H2AC4: variants seen among roughly 807,000 people sequenced by gnomAD.
H2AC4 encodes histone H2A type 1-B/E.
H2AC4 carries 8 observed loss-of-function variants against 6.1 expected under a neutral mutation model. The observed-to-expected ratio is 1.31, with a 90% CI of 0.77 to 2.36. The LOEUF is 2.36. Among genes scored for constraint, H2AC4 ranks in the 30% most tolerant of loss-of-function variants. The probability of loss-of-function intolerance (pLI) is 0.00; values close to 1 mark genes in which losing one functional copy is unlikely to be tolerated. For synonymous variants in H2AC4, 129 were observed against 78.4 expected, an observed-to-expected ratio of 1.64 and a Z score of -3.41; for missense variants, 260 against 180.4, an observed-to-expected ratio of 1.44 and a Z score of -2.53.
chr6:26,033,531 G>T lies in H2AC4; in HGVS notation c.38C>A (p.Ala13Asp), dbSNP rs1160128817. The change falls in exon 1 of 1, where the codon GCC becomes GAC. Residue 13 changes from alanine to aspartate, a missense_variant. By Grantham distance (126) the Ala-to-Asp change is moderately radical. Transcript: ENST00000615868. ...ACGAGAAGACCGAGTCTTAGCCTTG[G>T]CGCGAGCTTTACCGCCTTGTTTGCC... ...GRGKQGGKAR[A>D]KAKTRSSRAG... The T allele has an allele frequency of 6.2e-7, 1 of 1,613,956 alleles. No homozygotes were observed. The highest frequency in any genetic ancestry group is 8.5e-7 in the Non-Finnish European group (1 of 1,179,978).
chr6:26,033,104 G>GA lies in H2AC4; in HGVS notation c.*71dup. 3 of 1,566,506 alleles carry GA rather than the reference G, an allele frequency of 1.9e-6. No homozygotes were observed. Among genetic ancestry groups the GA allele is most frequent in the Non-Finnish European group, 1.7e-6 (2 of 1,152,028 alleles). On this transcript the variant is annotated 3_prime_UTR_variant, in exon 1 of 1. Transcript: ENST00000615868. ...TTTAATGGAAGTCGTAGGTGGCTCT[G>GA]AAAAGAGCCTTTGCTGTTAGGCTGA...
Position 26,033,093 on chromosome 6 carries a change from T to C in H2AC4, c.*83A>G, listed in dbSNP as rs1761494935. 3.3e-6 allele frequency: 5 copies of C among 1,514,358 alleles called. No homozygotes were observed. The East Asian group carries it at 9.0e-5, about 27-fold the overall frequency. The allele number at this position is 1,514,358 out of a possible 1,614,324, so 93.8% of individuals were successfully genotyped here. ...ACAACAGCTCATTTAATGGAAGTCG[T>C]AGGTGGCTCTGAAAAGAGCCTTTGC... On this transcript the variant is annotated 3_prime_UTR_variant, in exon 1 of 1. Transcript: ENST00000615868.
Position 26,033,157 on chromosome 6 carries a change from T to C in H2AC4, c.*19A>G, listed in dbSNP as rs150171580. ...TTGTCTGCTGACAGAAAAACAGCAG[T>C]GCATGAAGCGTTAACTCTTCACTTT... On this transcript the variant is annotated 3_prime_UTR_variant, in exon 1 of 1. Transcript: ENST00000615868. The C allele has an allele frequency of 1.2e-5, 19 of 1,612,860 alleles. No homozygotes were observed. Among genetic ancestry groups the C allele is most frequent in the South Asian group, 1.1e-4 (10 of 90,908 alleles).
Position 26,033,318 on chromosome 6 carries a change from A to C in H2AC4, c.251T>G (p.Leu84Arg). 6.2e-7 allele frequency: 1 copy of C among 1,614,142 alleles called. No homozygotes were observed. The highest frequency in any genetic ancestry group is 8.5e-7 in the Non-Finnish European group (1 of 1,180,030). The change falls in exon 1 of 1, where the codon CTG becomes CGG. Residue 84 changes from leucine (L) to arginine (R), a missense_variant. Coordinates refer to ENST00000615868, the MANE Select transcript of H2AC4 (RefSeq NM_003513.3). ...CTCGTCATTGCGGATGGCCAATTGC[A>C]GGTGGCGCGGGATGATGCGGGTCTT... is the stretch of plus-strand genomic sequence containing the variant. ...NKKTRIIPRH[L>R]QLAIRNDEEL...
At position 26,033,101 on chromosome 6, in the gene H2AC4, T is replaced by C; in HGVS notation, c.*75A>G. 1 of 1,558,356 alleles carries C rather than the reference T, an allele frequency of 6.4e-7. No individual in the cohort carries two copies. Reference sequence around the variant, plus strand: ...TCATTTAATGGAAGTCGTAGGTGGCTCTGAAAAGAGCCTTTGCTGTTAGGC... The same window carrying C: ...TCATTTAATGGAAGTCGTAGGTGGCCCTGAAAAGAGCCTTTGCTGTTAGGC... On this transcript the variant is annotated 3_prime_UTR_variant, in exon 1 of 1. Coordinates refer to ENST00000615868, the MANE Select transcript of H2AC4 (RefSeq NM_003513.3).
chr6:26,033,114 T>C lies in H2AC4; in HGVS notation c.*62A>G. The C allele has an allele frequency of 6.3e-7, 1 of 1,590,464 alleles. No homozygotes were observed. Among genetic ancestry groups the C allele is most frequent in the Non-Finnish European group, 8.5e-7 (1 of 1,169,816 alleles). ...GTCGTAGGTGGCTCTGAAAAGAGCC[T>C]TTGCTGTTAGGCTGATTTTGTCTGC... On this transcript the variant is annotated 3_prime_UTR_variant, in exon 1 of 1. Transcript: ENST00000615868.
Position 26,033,321 on chromosome 6 carries a change from T to A in H2AC4, c.248A>T (p.His83Leu). The A allele has an allele frequency of 6.2e-7, 1 of 1,614,038 alleles. No homozygotes were observed. The highest frequency in any genetic ancestry group is 8.5e-7 in the Non-Finnish European group (1 of 1,180,022). Residue 83 changes from histidine to leucine, a missense_variant, in exon 1 of 1, where the codon CAC (histidine) becomes CTC (leucine). By Grantham distance (99) the His-to-Leu change is moderately conservative. Transcript: ENST00000615868. ...GTCATTGCGGATGGCCAATTGCAGG[T>A]GGCGCGGGATGATGCGGGTCTTCTT... ...DNKKTRIIPRHLQLAIRNDEE... is the reference protein window; with the variant it reads ...DNKKTRIIPRLLQLAIRNDEE...
chr6:26,033,481 G>A lies in H2AC4; in HGVS notation c.88C>T (p.Arg30Ter), dbSNP rs764354439. The A allele has an allele frequency of 1.2e-5, 20 of 1,614,052 alleles. No homozygotes were observed. The highest frequency in any genetic ancestry group is 2.2e-5 in the South Asian group (2 of 91,092). Reference sequence around the variant, plus strand: ...CCTTTGCGGAGCAGGCGGTGCACTCGGCCCACAGGAAACTGCAAACCTGCA... The same window carrying A: ...CCTTTGCGGAGCAGGCGGTGCACTCAGCCCACAGGAAACTGCAAACCTGCA... ...SRAGLQFPVG[R>*]VHRLLRKGNY... is the part of the protein sequence containing the mutation. Residue 30 changes from arginine to a stop codon, truncating the protein, a stop_gained, in exon 1 of 1, where the codon CGA becomes TGA. Transcript: ENST00000615868. LOFTEE classifies it high-confidence loss of function.
chr6:26,033,472 G>A lies in H2AC4; in HGVS notation c.97C>T (p.Arg33Cys), dbSNP rs770419197. 1.9e-5 allele frequency: 31 copies of A among 1,614,054 alleles called. No individual in the cohort carries two copies. Among genetic ancestry groups the A allele is most frequent in the Non-Finnish European group, 2.6e-5 (31 of 1,180,038 alleles). The change falls in exon 1 of 1, where the codon CGC (arginine) becomes TGC (cysteine). Residue 33 changes from arginine to cysteine, a missense_variant. By Grantham distance (180) the Arg-to-Cys change is radical. Coordinates refer to ENST00000615868, the MANE Select transcript of H2AC4 (RefSeq NM_003513.3). ...GAGTAGTTGCCTTTGCGGAGCAGGC[G>A]GTGCACTCGGCCCACAGGAAACTGC... ...GLQFPVGRVH[R>C]LLRKGNYSER...
chr6:26,033,300 T>C lies in H2AC4; in HGVS notation c.269A>G (p.Asn90Ser), dbSNP rs767463907. ...IPRHLQLAIR[N>S]DEELNKLLGR... is the part of the protein sequence containing the mutation. ...CAAGAGTTTATTAAGCTCCTCGTCA[T>C]TGCGGATGGCCAATTGCAGGTGGCG... Residue 90 changes from asparagine (N) to serine (S), a missense_variant, in exon 1 of 1, where the codon AAT becomes AGT. Asn to Ser is a conservative substitution (Grantham distance 46, BLOSUM62 1). Transcript: ENST00000615868. 6.2e-7 allele frequency: 1 copy of C among 1,614,176 alleles called. No homozygotes were observed. The highest frequency in any genetic ancestry group is 8.5e-7 in the Non-Finnish European group (1 of 1,180,024).
rs752086646 is a variant in H2AC4 at position 26,033,191 on chromosome 6, C to T, written c.378G>A (p.Lys126=). 9.9e-6 allele frequency: 16 copies of T among 1,614,092 alleles called. No homozygotes were observed. Among genetic ancestry groups the T allele is most frequent in the Non-Finnish European group, 1.2e-5 (14 of 1,180,048 alleles). Residue 126 remains lysine (K), a synonymous_variant, in exon 1 of 1, where the codon AAG becomes AAA. Coordinates refer to ENST00000615868, the MANE Select transcript of H2AC4 (RefSeq NM_003513.3). The part of the protein sequence containing the change: ...LLPKKTESHH[K]AKGK ...CGTTAACTCTTCACTTTCCCTTGGC[C>T]TTATGATGGCTCTCAGTTTTCTTAG...
rs1561919844 is a variant in H2AC4, at chr6:26,033,290, C to T, written c.279G>A (p.Glu93=). The T allele has an allele frequency of 1.2e-6, 2 of 1,614,206 alleles. No homozygotes were observed. The highest frequency in any genetic ancestry group is 2.2e-5 in the East Asian group (1 of 44,868). ...HLQLAIRNDE[E]LNKLLGRVTI... is the part of the protein sequence containing the mutation. Reference sequence around the variant, plus strand: ...TCACACGCCCCAAGAGTTTATTAAGCTCCTCGTCATTGCGGATGGCCAATT... The same window carrying T: ...TCACACGCCCCAAGAGTTTATTAAGTTCCTCGTCATTGCGGATGGCCAATT... The change falls in exon 1 of 1, where the codon GAG becomes GAA. Residue 93 remains glutamate (E), a synonymous_variant. Transcript: ENST00000615868.
In H2AC4 at chr6:26,033,398, C is replaced by G; in HGVS notation, c.171G>C (p.Glu57Asp). 6.2e-7 allele frequency: 1 copy of G among 1,614,034 alleles called. No individual in the cohort carries two copies. The highest frequency in any genetic ancestry group is 1.3e-5 in the African/African-American group (1 of 75,040). ...GCTCCAGGATCTCGGCGGTCAGGTA[C>G]TCAAGCACCGCCGCGAGATACACCG... Reference protein sequence around the residue: ...GAPVYLAAVLEYLTAEILELA... With the variant: ...GAPVYLAAVLDYLTAEILELA... The change falls in exon 1 of 1, where the codon GAG (glutamate) becomes GAC (aspartate). Residue 57 changes from glutamate to aspartate, a missense_variant. Transcript: ENST00000615868.
Position 26,033,538 on chromosome 6 carries a change from C to CT in H2AC4, c.30dup (p.Ala11SerfsTer6). ...GACCGAGTCTTAGCCTTGGCGCGAG[C>CT]TTTACCGCCTTGTTTGCCGCGACCA... On this transcript the variant is annotated frameshift_variant, in exon 1 of 1. Transcript: ENST00000615868. LOFTEE classifies it high-confidence loss of function. 1 of 1,613,204 alleles carries CT rather than the reference C, an allele frequency of 6.2e-7. No individual in the cohort carries two copies. The highest frequency in any genetic ancestry group is 1.1e-5 in the South Asian group (1 of 91,022).
chr6:26,033,280 G>A lies in H2AC4; in HGVS notation c.289C>T (p.Leu97Phe). 1 of 1,614,156 alleles carries A rather than the reference G, an allele frequency of 6.2e-7. No homozygotes were observed. The highest frequency in any genetic ancestry group is 8.5e-7 in the Non-Finnish European group (1 of 1,180,020). The change falls in exon 1 of 1, where the codon CTC becomes TTC. Residue 97 changes from leucine (L) to phenylalanine (F), a missense_variant. Transcript: ENST00000615868. ...AIRNDEELNK[L>F]LGRVTIAQGG... is the part of the protein sequence containing the mutation. The stretch of plus-strand genomic sequence containing the variant: ...TGCGCGATGGTCACACGCCCCAAGA[G>A]TTTATTAAGCTCCTCGTCATTGCGG...
chr6:26,033,464 G>A lies in H2AC4; in HGVS notation c.105C>T (p.Leu35=), dbSNP rs961064356. The A allele has an allele frequency of 2.5e-6, 4 of 1,614,214 alleles. No homozygotes were observed. Among genetic ancestry groups the A allele is most frequent in the Non-Finnish European group, 2.5e-6 (3 of 1,180,048 alleles). ...CGCGCTCGGAGTAGTTGCCTTTGCG[G>A]AGCAGGCGGTGCACTCGGCCCACAG... ...QFPVGRVHRL[L]RKGNYSERVG... Residue 35 remains leucine (L), a synonymous_variant, in exon 1 of 1, where the codon CTC becomes CTT. Transcript: ENST00000615868.
rs2113681291 is a variant in H2AC4 at position 26,033,471 on chromosome 6, C to A, written c.98G>T (p.Arg33Leu). ...GLQFPVGRVH[R>L]LLRKGNYSER... ...GGAGTAGTTGCCTTTGCGGAGCAGG[C>A]GGTGCACTCGGCCCACAGGAAACTG... The change falls in exon 1 of 1, where the codon CGC (arginine) becomes CTC (leucine). Residue 33 changes from arginine (R) to leucine (L), a missense_variant. Transcript: ENST00000615868. 1 of 1,614,124 alleles carries A rather than the reference C, an allele frequency of 6.2e-7. No homozygotes were observed. The highest frequency in any genetic ancestry group is 8.5e-7 in the Non-Finnish European group (1 of 1,180,022).
In H2AC4 at chr6:26,033,405, A is replaced by G; in HGVS notation, c.164T>C (p.Val55Ala). ...GAGAPVYLAAVLEYLTAEILE... is the reference protein window; with the variant it reads ...GAGAPVYLAAALEYLTAEILE... ...GATCTCGGCGGTCAGGTACTCAAGC[A>G]CCGCCGCGAGATACACCGGCGCGCC... The change falls in exon 1 of 1, where the codon GTG becomes GCG. Residue 55 changes from valine (V) to alanine (A), a missense_variant. Physicochemically the swap from Val to Ala is moderately conservative, Grantham distance 64. Coordinates refer to ENST00000615868, the MANE Select transcript of H2AC4 (RefSeq NM_003513.3). The G allele has an allele frequency of 1.9e-6, 3 of 1,613,694 alleles. No homozygotes were observed. The highest frequency in any genetic ancestry group is 2.5e-6 in the Non-Finnish European group (3 of 1,179,854).
Position 26,033,348 on chromosome 6 carries a change from T to C in H2AC4, c.221A>G (p.Asn74Ser), listed in dbSNP as rs1216293174. 2.5e-6 allele frequency: 4 copies of C among 1,614,062 alleles called. No homozygotes were observed. The highest frequency in any genetic ancestry group is 1.1e-5 in the South Asian group (1 of 91,060). The part of the protein sequence containing the change: ...LELAGNAARD[N>S]KKTRIIPRHL... ...GCGCGGGATGATGCGGGTCTTCTTG[T>C]TGTCGCGGGCCGCATTGCCCGCCAG... Residue 74 changes from asparagine (N) to serine (S), a missense_variant, in exon 1 of 1, where the codon AAC becomes AGC. Asn to Ser is a conservative substitution (Grantham distance 46). Transcript: ENST00000615868.
Sources: allele counts gnomAD v4.1 joint callset, GRCh38; gene constraint gnomAD v4.1.1; transcripts MANE v1.5; gene names NCBI Gene and HGNC (gene_info 2026-07-23, HGNC 2026-07-21).